MTX3: variants seen among roughly 807,000 people sequenced by gnomAD.
The protein encoded by MTX3 is metaxin 3, also known as metaxin-3.
MTX3 carries 27 observed loss-of-function variants against 42.5 expected under a neutral mutation model. That is an observed-to-expected ratio of 0.64 (90% CI 0.47 to 0.88). MTX3 has a LOEUF of 0.88. Among genes scored for constraint, MTX3 ranks in the 40% least tolerant of loss-of-function variants. MTX3 has a pLI of 0.00. For synonymous variants in MTX3, 144 were observed against 132.9 expected (o/e 1.08, Z -0.57); for missense variants, 378 against 367.0 (o/e 1.03, Z -0.25).
At position 79,977,041 on chromosome 5, in the gene MTX3, A is replaced by G. The variant is rs1580877525; in HGVS notation, c.*6643T>C. On this transcript the variant is annotated 3_prime_UTR_variant, in exon 9 of 9. Transcript: ENST00000512528. ...AAACTAATATGCATACTACATACAT[A>G]TATTTCTTGTCTTCTTTACTGTCAA... The G allele has an allele frequency of 6.6e-6, 1 of 152,354 alleles. No individual in the cohort carries two copies. The highest frequency in any genetic ancestry group is 1.9e-4 in the East Asian group (1 of 5,186). The allele number at this position is 152,354 out of a possible 1,614,324, so 9.4% of individuals were successfully genotyped here.
intron 6 of MTX3, 87 bp from the exon 7 acceptor site, chr5:79,987,194 C>T (rs1033173996): frequency 4.9e-5 from 60 of 1,230,472 alleles, no homozygotes; most frequent in Non-Finnish European, 6.2e-5. Context: ...AATCCCAGTA[C>T]TTTGGGAGAT....
intron 8 of MTX3, among the ~76,000 whole-genome samples, chr5:79,984,981 GT>G (rs964452586): frequency 6.6e-6 from 1 of 150,588 alleles, no homozygotes; most frequent in Admixed American, 6.6e-5. Flanking sequence ...TTTTTGCTTT[GT>G]TTTTTTTTGT....
chr5:79,982,726 G>A lies in MTX3; in HGVS notation c.*958C>T, dbSNP rs1484234661. The A allele has an allele frequency of 9.1e-6, 2 of 220,040 alleles. No homozygotes were observed. The highest frequency in any genetic ancestry group is 2.3e-5 in the African/African-American group (1 of 42,888). 13.6% of individuals were successfully genotyped at this position (220,040 alleles called of 1,614,324 possible). ...TTTGACTACATGATATGCATCTTAT[G>A]AAAGAATATGCATCTTATGAAAGAA... is the stretch of plus-strand genomic sequence containing the variant. On this transcript the variant is annotated 3_prime_UTR_variant, in exon 9 of 9. Transcript: ENST00000512528.
chr5:79,987,795 A>T (rs1450867824), intron 6 of MTX3, among the ~76,000 whole-genome samples: 1 of 152,132 alleles, frequency 6.6e-6, no homozygotes, highest in Non-Finnish European at 1.5e-5. Flanking sequence ...CTATAATAAA[A>T]GCCCATTAAA....
Position 79,979,678 on chromosome 5 carries a change from C to G in MTX3, c.*4006G>C, listed in dbSNP as rs771387459. ...TATCCTCAGAAGTAAACCCCACTACCATAGAAAGAAAAAAATATAATTAGA... is the reference window on the plus strand; with the variant it reads ...TATCCTCAGAAGTAAACCCCACTACGATAGAAAGAAAAAAATATAATTAGA... On this transcript the variant is annotated 3_prime_UTR_variant, in exon 9 of 9. Coordinates refer to ENST00000512528, the MANE Select transcript of MTX3 (RefSeq NM_001363818.2). The G allele has an allele frequency of 1.3e-5, 2 of 151,656 alleles. No homozygotes were observed. The highest frequency in any genetic ancestry group is 2.9e-5 in the Non-Finnish European group (2 of 67,898). The allele number at this position is 151,656 out of a possible 1,614,324, so 9.4% of individuals were successfully genotyped here.
chr5:79,988,676 T>C (rs1178225299), intron 4 of MTX3, 32 bp from the exon 5 acceptor site: 1 of 1,500,638 alleles, frequency 6.7e-7, no homozygotes, highest in African/African-American at 1.4e-5. Context: ...ACTACAAGGA[T>C]GTTCTTTTAT....
chr5:79,988,247 A>G lies in MTX3; in HGVS notation c.573T>C (p.Phe191=). ...TTTAAGGGAATACTCACGTATCTCC[A>G]AAGAAAAACTGAGATGTTCCCAATC... is the stretch of plus-strand genomic sequence containing the variant. ...SNRLGTSQFF[F]GDTPSTLDAY... Residue 191 remains phenylalanine, a synonymous_variant, in exon 6 of 9, where the codon TTT becomes TTC. Transcript: ENST00000512528. 1 of 1,539,668 alleles carries G rather than the reference A, an allele frequency of 6.5e-7. No individual in the cohort carries two copies. The highest frequency in any genetic ancestry group is 1.9e-5 in the Admixed American group (1 of 51,368).
In MTX3 at chr5:79,976,781, T is replaced by C. The variant is rs1057145263; in HGVS notation, c.*6903A>G. 2.0e-5 allele frequency: 3 copies of C among 152,614 alleles called. No individual in the cohort carries two copies. The highest frequency in any genetic ancestry group is 6.5e-5 in the Admixed American group (1 of 15,274). The allele number at this position is 152,614 out of a possible 1,614,324, so 9.5% of individuals were successfully genotyped here. On this transcript the variant is annotated 3_prime_UTR_variant, in exon 9 of 9. Transcript: ENST00000512528. ...ATAGCTATTTTGACATTATATCCAG[T>C]TTCTCATTTATCAGAATAAATTCTT...
At chr5:79,983,886 T>C in intron 8 of MTX3, 92 bp from the exon 9 acceptor site, 1 of 758,718 alleles carries the variant, frequency 1.3e-6, no homozygotes, top group East Asian at 2.5e-5. Flanking sequence ...CCTAGAAGAG[T>C]ACAGAACCAT....
rs1315450140 is a variant in MTX3, at chr5:79,978,999, T to C, written c.*4685A>G. 3 of 152,654 alleles carry C rather than the reference T, an allele frequency of 2.0e-5. No individual in the cohort carries two copies. The highest frequency in any genetic ancestry group is 2.9e-5 in the Non-Finnish European group (2 of 68,036). 9.5% of individuals were successfully genotyped at this position (152,654 alleles called of 1,614,324 possible). A position where few individuals can be genotyped will look rare whatever the true frequency, so the allele number is the denominator to read the frequency against. ...CTTCAACTCGAGTTACCCTTTCTGA[T>C]ACCTTTGTTCAAGAATGTTAATTCT... On this transcript the variant is annotated 3_prime_UTR_variant, in exon 9 of 9. Transcript: ENST00000512528.
chr5:79,985,406 C>T (rs1831467626), intron 8 of MTX3, among the ~76,000 whole-genome samples, 165 bp downstream of exon 8: 1 of 152,108 alleles, frequency 6.6e-6, no homozygotes, highest in Non-Finnish European at 1.5e-5. Flanking sequence ...CTTCAAAACA[C>T]TATGTTACAT....
At chr5:79,990,905 T>C (rs1367295755) in intron 1 of MTX3, 1 of 708,408 alleles carries the variant, frequency 1.4e-6, no homozygotes, top group South Asian at 1.5e-5. Flanking sequence ...GGGGTTTCAC[T>C]CCACCGCCCA....
chr5:79,987,039 A>G lies in MTX3; in HGVS notation c.650T>C (p.Val217Ala). 3 of 1,614,012 alleles carry G rather than the reference A, an allele frequency of 1.9e-6. No homozygotes were observed. Among genetic ancestry groups the G allele is most frequent in the Non-Finnish European group, 1.7e-6 (2 of 1,179,884 alleles). ...APLYKVRFPK[V>A]QLQEHLKQLS... Reference sequence around the variant, plus strand: ...CTGTTTCAGATGTTCTTGTAGCTGAACTTTAGGAAACCGTACTTTGTAAAG... The same window carrying G: ...CTGTTTCAGATGTTCTTGTAGCTGAGCTTTAGGAAACCGTACTTTGTAAAG... Residue 217 changes from valine (V) to alanine (A), a missense_variant, in exon 7 of 9, where the codon GTT (valine) becomes GCT (alanine). Coordinates refer to ENST00000512528, the MANE Select transcript of MTX3 (RefSeq NM_001363818.2).
Position 79,985,939 on chromosome 5 carries a change from T to G in MTX3, c.740-280A>C, listed in dbSNP as rs5005619. Among the ~76,000 whole-genome samples the G allele has an allele frequency of 4.1e-4, 40 of 96,836 alleles. No homozygotes were observed. In the South Asian group the frequency reaches 6.5e-3, roughly 16 times the overall value. 63.5% of individuals were successfully genotyped at this position (96,836 alleles called of 152,430 possible). ...ACAATAATTAGTTTTTTTTTTTTTT[T>G]GAAAAAAAAAGCACAGTAGTCCTCA... On this transcript the variant is annotated intron_variant, in intron 7 of 8. Coordinates refer to ENST00000512528, the MANE Select transcript of MTX3 (RefSeq NM_001363818.2).
At position 79,986,974 on chromosome 5, in the gene MTX3, T is replaced by C; in HGVS notation, c.715A>G (p.Ser239Gly). 2 of 1,613,854 alleles carry C rather than the reference T, an allele frequency of 1.2e-6. No individual in the cohort carries two copies. Among genetic ancestry groups the C allele is most frequent in the Non-Finnish European group, 1.7e-6 (2 of 1,179,840 alleles). ...CCTCCAAGACTAAGCCTAAAATAAC[T>C]GCTCAGGATGTCATCACAAAAGCGA... ...LCRFCDDILS[S>G]YFRLSLGGIS... Residue 239 changes from serine to glycine, a missense_variant, in exon 7 of 9, where the codon AGT (serine) becomes GGT (glycine). Physicochemically the swap from Ser to Gly is moderately conservative, Grantham distance 56. Transcript: ENST00000512528.
intron 6 of MTX3, 65 bp from the exon 7 acceptor site, chr5:79,987,172 GC>G (rs1831514562): frequency 6.9e-7 from 1 of 1,453,450 alleles, no homozygotes; most frequent in Non-Finnish European, 9.5e-7. Flanking sequence ...GGGTGTGGTG[GC>G]TCATGCCTGT....
Position 79,990,182 on chromosome 5 carries a change from A to T in MTX3, c.206T>A (p.Ile69Lys). ...EDDMVSQPAK[I>K]LNFLRKQKYN... Reference sequence around the variant, plus strand: ...CACCTGTTTTCTTAAAAAGTTTAGTATTTTTGCTGGCTGAGAAACCATGTC... The same window carrying T: ...CACCTGTTTTCTTAAAAAGTTTAGTTTTTTTGCTGGCTGAGAAACCATGTC... Residue 69 changes from isoleucine to lysine, a missense_variant, in exon 3 of 9, where the codon ATA becomes AAA. Transcript: ENST00000512528. The T allele has an allele frequency of 6.2e-7, 1 of 1,609,942 alleles. No homozygotes were observed. The highest frequency in any genetic ancestry group is 8.5e-7 in the Non-Finnish European group (1 of 1,178,162).
rs376520273 is a variant in MTX3 at position 79,980,465 on chromosome 5, GTTGAAAT to G, written c.*3212_*3218del. The G allele has an allele frequency of 5.0e-4, 76 of 151,776 alleles. No individual in the cohort carries two copies. The highest frequency in any genetic ancestry group is 1.8e-3 in the African/African-American group (73 of 41,278). 9.4% of individuals were successfully genotyped at this position (151,776 alleles called of 1,614,324 possible). ...CCCAATATAATACAAACAAACTTAA[GTTGAAAT>G]TTGGTTTGTTAATGCCCACCTTGTG... On this transcript the variant is annotated 3_prime_UTR_variant, in exon 9 of 9. Coordinates refer to ENST00000512528, the MANE Select transcript of MTX3 (RefSeq NM_001363818.2).
chr5:79,988,465 T>A lies in MTX3; in HGVS notation c.501A>T (p.Ala167=). The A allele has an allele frequency of 6.2e-7, 1 of 1,608,832 alleles. No individual in the cohort carries two copies. The change falls in exon 5 of 9, where the codon GCA becomes GCT. Residue 167 remains alanine (A), a synonymous_variant. Coordinates refer to ENST00000512528, the MANE Select transcript of MTX3 (RefSeq NM_001363818.2). ...TGAAGAATAATCCATACTATACCTG[T>A]GCTTCCACTTCTCGGAGGTGGTAGA... ...PPLYHLREVE[A]QIYRDAKECL...
Sources: allele counts gnomAD v4.1 joint callset (sites outside exome capture counted in the v4.1 genomes callset), GRCh38; gene constraint gnomAD v4.1.1; transcripts MANE v1.5; gene names NCBI Gene and HGNC (gene_info 2026-07-23, HGNC 2026-07-21).